Variants in C4orf51 observed in about 807,000 individuals in gnomAD.
The protein encoded by C4orf51 is uncharacterized protein C4orf51.
C4orf51 carries 25 observed loss-of-function variants against 25.2 expected under a neutral mutation model. The observed-to-expected ratio is 0.99, with a 90% CI of 0.72 to 1.39. The LOEUF (loss-of-function observed/expected upper bound fraction) is 1.39, where lower values mean the gene tolerates loss of function less well. Ranked by LOEUF, C4orf51 falls within the 40% of genes most tolerant of loss-of-function variation. C4orf51 has a pLI of 0.00. For synonymous variants in C4orf51, 100 were observed against 84.5 expected, an observed-to-expected ratio of 1.18 and a Z score of -1.01; for missense variants, 252 against 239.6, an observed-to-expected ratio of 1.05 and a Z score of -0.34.
At chr4:145,724,463 T>C (rs962598495) in intron 2 of C4orf51, among the ~76,000 whole-genome samples, 2 of 152,194 alleles carry the variant, frequency 1.3e-5, no homozygotes, top group African/African-American at 4.8e-5. Context: ...TGCCACATGC[T>C]AGTCCCCTCT....
intron 1 of C4orf51, among the ~76,000 whole-genome samples, chr4:145,744,696 A>G (rs1202349056): frequency 6.6e-6 from 1 of 152,128 alleles, no homozygotes; most frequent in African/African-American, 2.4e-5. Context: ...TAGTAATTCT[A>G]CAAAAAATTA....
intron 1 of C4orf51, among the ~76,000 whole-genome samples, chr4:145,696,338 T>G (rs1239641950): frequency 6.6e-6 from 1 of 151,982 alleles, no homozygotes; most frequent in East Asian, 1.9e-4. Flanking sequence ...CAGAACAAAA[T>G]TGCTATCGGG....
chr4:145,684,204 C>T (rs1193337911), intron 1 of C4orf51, among the ~76,000 whole-genome samples: 9 of 151,948 alleles, frequency 5.9e-5, no homozygotes, highest in South Asian at 2.1e-4. Context: ...TCCCACTGGC[C>T]GGGCACGGTG....
chr4:145,697,204 A>T (rs1396699252), intron 2 of C4orf51, among the ~76,000 whole-genome samples: 1 of 149,304 alleles, frequency 6.7e-6, no homozygotes, highest in Non-Finnish European at 1.5e-5. Context: ...GGTTCAAGCG[A>T]TTTTCATGCC....
downstream of C4orf51, chr4:145,759,126 G>A (rs1734190138): frequency 6.6e-6 from 1 of 152,150 alleles, no homozygotes; most frequent in African/African-American, 2.4e-5. Context: ...CTGTACACCA[G>A]TTCTCCAATA....
chr4:145,732,585 G>A lies in C4orf51; in HGVS notation c.*25G>A. The A allele has an allele frequency of 6.5e-7, 1 of 1,527,872 alleles. No homozygotes were observed. The highest frequency in any genetic ancestry group is 9.0e-7 in the Non-Finnish European group (1 of 1,108,994). 94.6% of individuals were successfully genotyped at this position (1,527,872 alleles called of 1,614,324 possible). On this transcript the variant is annotated 3_prime_UTR_variant, in exon 6 of 6. Transcript: ENST00000438731. ...AGTTGGAAAATGAAGCCACAAGGCT[G>A]GAGGCGTGGAGTTTGCTTAATAAAC...
In C4orf51 at chr4:145,766,648, TC is replaced by T. The variant is rs151182651; in HGVS notation, n.167-4335del. On this transcript the variant is annotated intron_variant and non_coding_transcript_variant, in intron 1 of 1. Coordinates refer to the C4orf51 transcript ENST00000510096. ...AACAACCCCAGAGACACAGAGAGGGTCCCCCTTGAGTATTCAGCAAAGTATG... is the reference window on the plus strand; with the variant it reads ...AACAACCCCAGAGACACAGAGAGGGTCCCCTTGAGTATTCAGCAAAGTATG... Among the ~76,000 whole-genome samples, 667 of 150,750 alleles carry T rather than the reference TC, an allele frequency of 4.4e-3. 5 individuals are homozygous for T. Among genetic ancestry groups the T allele is most frequent in the African/African-American group, 0.015 (616 of 41,024 alleles).
At position 145,763,861 on chromosome 4, in the gene C4orf51, C is replaced by T. The variant is rs1734878771; in HGVS notation, n.167-7127C>T. Among the ~76,000 whole-genome samples, 1 of 152,186 alleles carries T rather than the reference C, an allele frequency of 6.6e-6. No individual in the cohort carries two copies. The highest frequency in any genetic ancestry group is 6.5e-5 in the Admixed American group (1 of 15,286). On this transcript the variant is annotated intron_variant and non_coding_transcript_variant, in intron 1 of 1. Transcript: ENST00000510096. The surrounding 1 kb of genome is among the most constrained non-coding windows in gnomAD (Gnocchi z 4.6). ...CCCAATCCCTTCTGCCCTCCCCTCC[C>T]CCTCCCCCAAGAGTGAAACGAAATG...
At chr4:145,716,906 A>G (rs1228367213) in intron 2 of C4orf51, among the ~76,000 whole-genome samples, 2 of 152,234 alleles carry the variant, frequency 1.3e-5, no homozygotes, top group Admixed American at 1.3e-4. Flanking sequence ...TATTGTTAAA[A>G]TCAGGAGACT....
intron 3 of C4orf51, among the ~76,000 whole-genome samples, chr4:145,728,013 G>GTATATATAATATATAT (rs1326962700): frequency 6.4e-5 from 8 of 125,068 alleles, no homozygotes; most frequent in Non-Finnish European, 1.3e-4. Flanking sequence ...TATAATGTGT[G>GTATATATAATATATAT]TATATATAAT....
chr4:145,713,422 A>G (rs1295930142), intron 2 of C4orf51, among the ~76,000 whole-genome samples: 1 of 152,218 alleles, frequency 6.6e-6, no homozygotes, highest in African/African-American at 2.4e-5. Flanking sequence ...AGTTGATTCC[A>G]TCCCCTGTGG....
rs114999087 is a variant in C4orf51, at chr4:145,705,051, C to T, written c.307+8419C>T. ...TTTCTTCCCTTGGGTGGGCTGTCTGCACTTGCAGTGGCCTGCTAACACTTG... is the reference window on the plus strand; with the variant it reads ...TTTCTTCCCTTGGGTGGGCTGTCTGTACTTGCAGTGGCCTGCTAACACTTG... On this transcript the variant is annotated intron_variant, in intron 2 of 5. Transcript: ENST00000438731. 8.8e-3 allele frequency among the ~76,000 whole-genome samples: 1,333 copies of T among 152,316 alleles called. 17 individuals are homozygous for T. The highest frequency in any genetic ancestry group is 0.029 in the African/African-American group (1,226 of 41,560).
intron 1 of C4orf51, chr4:145,764,940 G>C (rs1287574988): frequency 6.2e-7 from 1 of 1,607,882 alleles, no homozygotes; most frequent in Non-Finnish European, 8.5e-7. Context: ...AAGGGGAAAG[G>C]GTATTTAATA....
intron 2 of C4orf51, among the ~76,000 whole-genome samples, chr4:145,709,359 G>C (rs1339312238): frequency 6.6e-6 from 1 of 152,248 alleles, no homozygotes; most frequent in Non-Finnish European, 1.5e-5. Context: ...GTCATAAGTT[G>C]CTGGCAGAGC....
At chr4:145,767,126 GT>G (rs1304682997) in intron 1 of C4orf51, among the ~76,000 whole-genome samples, 1 of 152,198 alleles carries the variant, frequency 6.6e-6, no homozygotes, top group African/African-American at 2.4e-5. Flanking sequence ...AGACACAGTT[GT>G]TAGACTTCGC....
intron 1 of C4orf51, among the ~76,000 whole-genome samples, chr4:145,693,872 T>G (rs866134923): frequency 2.5e-5 from 2 of 79,102 alleles, no homozygotes; most frequent in Non-Finnish European, 5.3e-5. Context: ...CCGGACGGGG[T>G]GGCTGCCGGG....
chr4:145,701,853 C>T (rs1443340618), intron 2 of C4orf51, among the ~76,000 whole-genome samples: 7 of 152,044 alleles, frequency 4.6e-5, no homozygotes, highest in Non-Finnish European at 8.8e-5. Flanking sequence ...ATTATTAGGC[C>T]GAGATATTTT....
chr4:145,685,164 T>G (rs1421706854), intron 1 of C4orf51, among the ~76,000 whole-genome samples: 1 of 152,130 alleles, frequency 6.6e-6, no homozygotes, highest in Non-Finnish European at 1.5e-5. Context: ...GACCATTGTG[T>G]CAAGTTCTAC....
downstream of C4orf51, among the ~76,000 whole-genome samples, chr4:145,735,484 T>A (rs1732756909): frequency 2.0e-5 from 3 of 151,408 alleles, no homozygotes. Flanking sequence ...CTAGCAGAGG[T>A]GGTGGGAGGG....
Sources: gnomAD v4.1 joint callset for allele counts (sites outside exome capture counted in the v4.1 genomes callset) on GRCh38, gnomAD v4.1.1 for gene constraint, Gnocchi (gnomAD v3.1) non-coding constraint, MANE v1.5 for transcripts, NCBI Gene and HGNC (gene_info 2026-07-23, HGNC 2026-07-21) for gene names.